The following PIK3CB variants were observed in gnomAD, a reference collection of about 807,000 sequenced individuals.
PIK3CB encodes the protein phosphatidylinositol 4,5-bisphosphate 3-kinase catalytic subunit beta isoform.
PIK3CB carries 39 observed loss-of-function variants against 136.8 expected under a neutral mutation model. The ratio of observed to expected loss-of-function variants is 0.29; its 90% CI spans 0.22 to 0.37. PIK3CB has a LOEUF of 0.37. Among genes scored for constraint, PIK3CB ranks in the 10% least tolerant of loss-of-function variants. The pLI is 1.00. For missense variants in PIK3CB, 868 were observed against 1,275.4 expected (o/e 0.68, Z 4.87); for synonymous variants, 428 against 436.6 (o/e 0.98, Z 0.25).
chr3:138,745,607 T>C (rs2045338382), intron 4 of PIK3CB, among the ~76,000 whole-genome samples: 1 of 152,012 alleles, frequency 6.6e-6, no homozygotes, highest in Non-Finnish European at 1.5e-5. Context: ...CACTGCAGCC[T>C]GGGCGATGAA....
rs75607374 is a variant in PIK3CB at position 138,732,484 on chromosome 3, C to T, written c.1050+877G>A. ...CAAGCAACAAACATTTCAAACAAAC[C>T]AAATCTCTTTCTTGGATCACAAAAA... is the stretch of plus-strand genomic sequence containing the variant. On this transcript the variant is annotated intron_variant, in intron 8 of 23. Transcript: ENST00000674063. 3.1e-3 allele frequency among the ~76,000 whole-genome samples: 479 copies of T among 152,174 alleles called. 2 individuals are homozygous for T. The highest frequency in any genetic ancestry group is 0.011 in the African/African-American group (459 of 41,532).
rs1181246165 is a variant in PIK3CB, at chr3:138,654,033, C to T, written c.*1356G>A. ...GAGGCTCACCCATTCCAAGAGCAGC[C>T]GAAACCAGCTCACTCATTTATTTGA... is the stretch of plus-strand genomic sequence containing the variant. On this transcript the variant is annotated 3_prime_UTR_variant, in exon 24 of 24. Coordinates refer to ENST00000674063, the MANE Select transcript of PIK3CB (RefSeq NM_006219.3). The T allele has an allele frequency of 3.1e-5, 6 of 194,776 alleles. No homozygotes were observed. Among genetic ancestry groups the T allele is most frequent in the East Asian group, 8.0e-5 (1 of 12,430 alleles). 12.1% of individuals were successfully genotyped at this position (194,776 alleles called of 1,614,324 possible).
chr3:138,753,498 G>A (rs978380626), intron 4 of PIK3CB, among the ~76,000 whole-genome samples: 3 of 152,054 alleles, frequency 2.0e-5, no homozygotes, highest in African/African-American at 7.2e-5. Flanking sequence ...TCCAGTCTGG[G>A]CAACAGAGTG....
chr3:138,784,478 G>C (rs530836111), intron 2 of PIK3CB, among the ~76,000 whole-genome samples: 1 of 151,744 alleles, frequency 6.6e-6, no homozygotes, highest in Non-Finnish European at 1.5e-5. Context: ...CTCTGATGCC[G>C]AGCGGAGGCT....
chr3:138,827,503 AT>A lies in PIK3CB; in HGVS notation c.-122+7191del, dbSNP rs879817531. 3.1e-3 allele frequency among the ~76,000 whole-genome samples: 452 copies of A among 146,018 alleles called. 1 individual carries two copies. The highest frequency in any genetic ancestry group is 7.2e-3 in the Middle Eastern group (2 of 278). On this transcript the variant is annotated intron_variant, in intron 1 of 23. Coordinates refer to ENST00000674063, the MANE Select transcript of PIK3CB (RefSeq NM_006219.3). ...AGAGCCTGTGTCTTCTACCTAAGAA[AT>A]TTTTTTTTTTTTTAGTTAGCCAGGC...
chr3:138,665,619 C>T lies in PIK3CB; in HGVS notation c.2505-416G>A, dbSNP rs565563412. ...TATCTTGGTTAAGGGAAACTCCGTC[C>T]TTCTGGTGGCACCATCTCAGTTCAT... is the stretch of plus-strand genomic sequence containing the variant. On this transcript the variant is annotated intron_variant, in intron 19 of 23. Coordinates refer to ENST00000674063, the MANE Select transcript of PIK3CB (RefSeq NM_006219.3). Among the ~76,000 whole-genome samples the T allele has an allele frequency of 1.3e-5, 2 of 152,328 alleles. 1 individual carries two copies. Among genetic ancestry groups the T allele is most frequent in the South Asian group, 4.1e-4 (2 of 4,824 alleles).
chr3:138,714,947 T>C (rs1383980622), intron 8 of PIK3CB, among the ~76,000 whole-genome samples: 3 of 152,208 alleles, frequency 2.0e-5, no homozygotes, highest in African/African-American at 4.8e-5. Flanking sequence ...GTTAGTCTAA[T>C]CTGTTTTTCA....
intron 16 of PIK3CB, among the ~76,000 whole-genome samples, chr3:138,687,008 T>C (rs1474491125): frequency 2.6e-5 from 4 of 152,190 alleles, no homozygotes; most frequent in Non-Finnish European, 5.9e-5. Flanking sequence ...TTTACAAGTA[T>C]GTGAAATTTG....
intron 19 of PIK3CB, among the ~76,000 whole-genome samples, chr3:138,669,708 C>T (rs1447407518): frequency 5.9e-5 from 9 of 152,130 alleles, no homozygotes; most frequent in East Asian, 5.8e-4. Context: ...TATTTTGGAA[C>T]GTCATAGAAA....
At chr3:138,717,205 G>C (rs1055939954) in intron 8 of PIK3CB, among the ~76,000 whole-genome samples, 5 of 148,514 alleles carry the variant, frequency 3.4e-5, no homozygotes, top group Admixed American at 2.0e-4. Context: ...AGTGAGCCAA[G>C]ATTGTGCCAC....
At chr3:138,699,612 A>C (rs990457704) in intron 12 of PIK3CB, among the ~76,000 whole-genome samples, 6 of 152,248 alleles carry the variant, frequency 3.9e-5, no homozygotes, top group African/African-American at 1.4e-4. Flanking sequence ...AGTTAACAGA[A>C]ATCCAGATTT....
At chr3:138,720,117 G>T (rs1435071389) in intron 8 of PIK3CB, among the ~76,000 whole-genome samples, 3 of 152,144 alleles carry the variant, frequency 2.0e-5, no homozygotes, top group African/African-American at 7.2e-5. Flanking sequence ...TTGATGCAGG[G>T]TCCGCATGCC....
intron 8 of PIK3CB, among the ~76,000 whole-genome samples, chr3:138,722,130 T>G (rs1380957524): frequency 3.8e-5 from 1 of 25,982 alleles, no homozygotes; most frequent in Non-Finnish European, 7.3e-5. Flanking sequence ...CTACTGGGTG[T>G]TTTTTTTTTT....
At chr3:138,659,863 CTTCTTTT>C (rs1352115393) in intron 21 of PIK3CB, among the ~76,000 whole-genome samples, 10 of 128,358 alleles carry the variant, frequency 7.8e-5, no homozygotes, top group Non-Finnish European at 1.4e-4. Context: ...CTTCTTTCCT[CTTCTTTT>C]TTTTTTTTTT....
intron 2 of PIK3CB, among the ~76,000 whole-genome samples, chr3:138,785,338 G>C (rs1385437479): frequency 2.3e-4 from 35 of 152,200 alleles, no homozygotes; most frequent in Non-Finnish European, 1.0e-4. Context: ...AGCTCATTGA[G>C]AACGGGCCAT....
intron 18 of PIK3CB, among the ~76,000 whole-genome samples, chr3:138,682,974 T>G (rs900109703): frequency 2.0e-5 from 3 of 152,220 alleles, no homozygotes; most frequent in Non-Finnish European, 4.4e-5. Flanking sequence ...ATTTTGGGTC[T>G]GTTAGGTACT....
At chr3:138,790,864 G>A (rs1213061217) in intron 2 of PIK3CB, among the ~76,000 whole-genome samples, 1 of 150,628 alleles carries the variant, frequency 6.6e-6, no homozygotes, top group Non-Finnish European at 1.5e-5. Context: ...TCAGGAGGCT[G>A]AGGCAGGAGA....
At chr3:138,713,528 G>C (rs930956960) in intron 9 of PIK3CB, among the ~76,000 whole-genome samples, 3 of 151,968 alleles carry the variant, frequency 2.0e-5, no homozygotes, top group African/African-American at 7.2e-5. Context: ...AAAATTAGCT[G>C]AGTGTGGTAA....
At chr3:138,730,181 T>C (rs2044939755) in intron 8 of PIK3CB, among the ~76,000 whole-genome samples, 1 of 152,200 alleles carries the variant, frequency 6.6e-6, no homozygotes, top group Non-Finnish European at 1.5e-5. Flanking sequence ...CATTAAATAC[T>C]ACCTGTCATT....
Sources: gnomAD v4.1 joint callset for allele counts (sites outside exome capture counted in the v4.1 genomes callset) on GRCh38, gnomAD v4.1.1 for gene constraint, MANE v1.5 for transcripts, NCBI Gene and HGNC (gene_info 2026-07-23, HGNC 2026-07-21) for gene names.